RBFOX1: variants seen among roughly 807,000 people sequenced by gnomAD.
RBFOX1 encodes RNA binding fox-1 homolog 1.
In RBFOX1, 8 loss-of-function variants were observed where a neutral mutation model predicts 57.7. That is an observed-to-expected ratio of 0.14 (90% CI 0.08 to 0.25). The LOEUF is 0.25. Among genes scored for constraint, RBFOX1 ranks in the 10% least tolerant of loss-of-function variants. The probability of loss-of-function intolerance (pLI) is 1.00; values close to 1 mark genes in which losing one functional copy is unlikely to be tolerated. For synonymous variants in RBFOX1, 326 were observed against 222.4 expected (o/e 1.47, Z -4.15); for missense variants, 611 against 548.5 (o/e 1.11, Z -1.14).
intron 3 of RBFOX1, among the ~76,000 whole-genome samples, chr16:6,908,259 C>T (rs771790441): frequency 1.1e-4 from 17 of 151,732 alleles, no homozygotes; most frequent in Non-Finnish European, 2.2e-4. Context: ...TCCAGCCTTT[C>T]GGGTGTCCTC....
At chr16:5,732,463 C>T (rs558846357) in intron 3 of RBFOX1, among the ~76,000 whole-genome samples, 8 of 152,116 alleles carry the variant, frequency 5.3e-5, no homozygotes, top group South Asian at 2.1e-4. Context: ...AGAACAGGAG[C>T]GAGTTGGCTC....
intron 2 of RBFOX1, among the ~76,000 whole-genome samples, chr16:6,640,040 A>G (rs1442520739): frequency 3.3e-5 from 5 of 152,230 alleles, no homozygotes; most frequent in Non-Finnish European, 5.9e-5. Flanking sequence ...TCTGAAATAC[A>G]GAAACTAAAG....
At chr16:7,025,241 A>G (rs1487661985) in intron 3 of RBFOX1, among the ~76,000 whole-genome samples, 3 of 152,146 alleles carry the variant, frequency 2.0e-5, no homozygotes, top group African/African-American at 7.2e-5. Flanking sequence ...TAGACCATAT[A>G]GGGTAACTCT....
intron 13 of RBFOX1, among the ~76,000 whole-genome samples, chr16:7,672,990 C>T (rs567529812): frequency 1.8e-4 from 27 of 150,784 alleles, no homozygotes; most frequent in Non-Finnish European, 3.1e-4. Flanking sequence ...TATACCAGCA[C>T]ACCTGTTTTG....
chr16:5,896,943 A>G (rs920875490), intron 4 of RBFOX1, among the ~76,000 whole-genome samples: 2 of 150,336 alleles, frequency 1.3e-5, no homozygotes, highest in African/African-American at 4.9e-5. Context: ...CATTCGTTTG[A>G]AAGCTACGTT....
chr16:6,885,294 A>G (rs757971000), intron 3 of RBFOX1, among the ~76,000 whole-genome samples: 5 of 152,174 alleles, frequency 3.3e-5, no homozygotes, highest in Admixed American at 2.6e-4. Context: ...CGTGTTCTCT[A>G]TCCTCGCTGC....
intron 3 of RBFOX1, among the ~76,000 whole-genome samples, chr16:5,734,766 G>A (rs1009781525): frequency 1.3e-5 from 2 of 152,146 alleles, no homozygotes; most frequent in Non-Finnish European, 1.5e-5. Flanking sequence ...AGGCTATAGG[G>A]AATAGCATAT....
intron 4 of RBFOX1, among the ~76,000 whole-genome samples, chr16:7,102,338 T>A (rs1288151739): frequency 5.9e-5 from 9 of 152,204 alleles, no homozygotes; most frequent in African/African-American, 2.2e-4. Flanking sequence ...AAGGATCTGA[T>A]ACAGAGCCTA....
chr16:5,953,455 C>T (rs2059560033), intron 4 of RBFOX1, among the ~76,000 whole-genome samples: 1 of 152,016 alleles, frequency 6.6e-6, no homozygotes. Flanking sequence ...GCACTGTACG[C>T]TGCACCCAGT....
intron 4 of RBFOX1, among the ~76,000 whole-genome samples, chr16:7,107,008 C>G (rs1216121491): frequency 6.6e-6 from 1 of 150,568 alleles, no homozygotes. Context: ...CACACACACA[C>G]TAAATGAACA....
At chr16:6,667,519 T>C (rs1413736030) in intron 3 of RBFOX1, among the ~76,000 whole-genome samples, 1 of 152,062 alleles carries the variant, frequency 6.6e-6, no homozygotes, top group African/African-American at 2.4e-5. Context: ...CTGGGGTCAC[T>C]ATGGGACTCA....
intron 3 of RBFOX1, among the ~76,000 whole-genome samples, chr16:6,863,577 T>G (rs1332976866): frequency 1.3e-5 from 2 of 150,932 alleles, no homozygotes; most frequent in African/African-American, 4.9e-5. Flanking sequence ...ATTAAAGATG[T>G]GATCTGTTCC....
rs555320158 is a variant in RBFOX1 at position 6,820,876 on chromosome 16, G to A, written c.-16+166226G>A. ...ATTATTTTTGACCCATAGTGTTGCT[G>A]TTTTTCATCCTTTGTCATCCTTAGC... is the stretch of plus-strand genomic sequence containing the variant. On this transcript the variant is annotated intron_variant, in intron 3 of 15. Transcript: ENST00000550418. Among the ~76,000 whole-genome samples the A allele has an allele frequency of 6.6e-5, 10 of 152,246 alleles. No homozygotes were observed. In the East Asian group the frequency reaches 1.5e-3, roughly 24 times the overall value.
intron 4 of RBFOX1, among the ~76,000 whole-genome samples, chr16:7,057,884 T>A (rs1288052596): frequency 1.3e-5 from 2 of 151,714 alleles, no homozygotes; most frequent in African/African-American, 4.8e-5. Context: ...GGCGGGCGCC[T>A]GTAGTCCCAG....
At chr16:6,975,229 A>G (rs965101781) in intron 3 of RBFOX1, among the ~76,000 whole-genome samples, 1 of 151,512 alleles carries the variant, frequency 6.6e-6, no homozygotes, top group Non-Finnish European at 1.5e-5. Flanking sequence ...TTAAGAGGCC[A>G]CCACAATACT....
intron 3 of RBFOX1, among the ~76,000 whole-genome samples, chr16:6,982,919 A>G (rs889453973): frequency 1.4e-5 from 2 of 142,950 alleles, no homozygotes; most frequent in Non-Finnish European, 3.0e-5. Flanking sequence ...ACTTGAACCC[A>G]GGAGGTGGAG....
At chr16:7,468,603 A>T (rs1054812781) in intron 4 of RBFOX1, among the ~76,000 whole-genome samples, 1 of 152,150 alleles carries the variant, frequency 6.6e-6, no homozygotes, top group Admixed American at 6.5e-5. Context: ...TGTAGGTCCC[A>T]GAATGAGCCT....
intron 13 of RBFOX1, among the ~76,000 whole-genome samples, chr16:7,666,222 C>A (rs1377605656): frequency 6.6e-6 from 1 of 152,128 alleles, no homozygotes. Context: ...TGGCTCTCGA[C>A]TCCATGCAGC....
At chr16:6,693,713 C>G (rs569678490) in intron 3 of RBFOX1, among the ~76,000 whole-genome samples, 2 of 150,886 alleles carry the variant, frequency 1.3e-5, no homozygotes, top group Admixed American at 6.6e-5. Flanking sequence ...TCCTCCTCCA[C>G]TACCATCACC....
Sources: gnomAD v4.1 joint callset for allele counts (sites outside exome capture counted in the v4.1 genomes callset) on GRCh38, gnomAD v4.1.1 for gene constraint, MANE v1.5 for transcripts, NCBI Gene and HGNC (gene_info 2026-07-23, HGNC 2026-07-21) for gene names.